Variants in NCOR2 observed in about 807,000 individuals in gnomAD.
NCOR2 encodes the protein nuclear receptor corepressor 2.
In NCOR2, 81 loss-of-function variants were observed where a neutral mutation model predicts 262.9. The ratio of observed to expected loss-of-function variants is 0.31; its 90% CI spans 0.26 to 0.37. NCOR2 has a LOEUF of 0.37. Ranked by LOEUF, NCOR2 falls within the 10% of genes least tolerant of loss-of-function variation. The pLI is 1.00. For synonymous variants in NCOR2, 1,659 were observed against 1,559.3 expected (o/e 1.06, Z -1.51); for missense variants, 3,385 against 3,621.4 (o/e 0.93, Z 1.68).
At chr12:124,455,070 A>C (rs1461803963) in intron 6 of NCOR2, among the ~76,000 whole-genome samples, 1 of 152,208 alleles carries the variant, frequency 6.6e-6, no homozygotes, top group Non-Finnish European at 1.5e-5. Context: ...ATATTGCAAG[A>C]TTCCATTTAT....
chr12:124,372,477 G>A (rs1379226444), exon 20 of NCOR2: 1 of 1,571,160 alleles, frequency 6.4e-7, no homozygotes, highest in Admixed American at 1.8e-5. Flanking sequence ...CCGGTGGTGG[G>A]GTGGGTGGCC....
At chr12:124,334,710 A>C in intron 40 of NCOR2, 93 bp from the exon 43 acceptor site, 1 of 667,918 alleles carries the variant, frequency 1.5e-6, no homozygotes, top group Non-Finnish European at 2.4e-6. Context: ...TCGGGGCAGA[A>C]TCCTGGGTGG....
In NCOR2 at chr12:124,345,850, C is replaced by T. The variant is rs3825112; in HGVS notation, c.4359+714G>A. ...CTTCCGCCTCACAGCCCCACAGCCC[C>T]GTGGTGGCTCCCATTCTCCTTCCCC... On this transcript the variant is annotated intron_variant, in intron 31 of 46. Coordinates refer to ENST00000405201, the Ensembl canonical transcript of NCOR2. 1.1e-4 allele frequency among the ~76,000 whole-genome samples: 16 copies of T among 152,308 alleles called. No individual in the cohort carries two copies. In the East Asian group the frequency reaches 2.3e-3, roughly 22 times the overall value.
intron 28 of NCOR2, among the ~76,000 whole-genome samples, chr12:124,350,020 C>T (rs1280433999): frequency 2.0e-5 from 3 of 152,198 alleles, no homozygotes; most frequent in Non-Finnish European, 4.4e-5. Context: ...TTCCGGGCCT[C>T]GCAGCTGCAG....
intron 14 of NCOR2, 118 bp from the exon 17 acceptor site, chr12:124,400,791 G>A (rs948407355): frequency 1.4e-5 from 18 of 1,308,578 alleles, no homozygotes; most frequent in East Asian, 7.1e-5. Flanking sequence ...GGCACTAATC[G>A]GACGCTAGGA....
At chr12:124,405,885 G>A (rs1221603545) in intron 13 of NCOR2, among the ~76,000 whole-genome samples, 1 of 152,174 alleles carries the variant, frequency 6.6e-6, no homozygotes, top group Non-Finnish European at 1.5e-5. Flanking sequence ...AACTGCACCT[G>A]CTGGGCTTCC....
intron 13 of NCOR2, among the ~76,000 whole-genome samples, chr12:124,413,252 C>T (rs996436471): frequency 6.6e-5 from 10 of 152,212 alleles, no homozygotes; most frequent in African/African-American, 1.9e-4. Context: ...CCCGACACCT[C>T]GGAAGTCCTA....
chr12:124,326,347 A>C (rs2135713500), exon 46 of NCOR2: 1 of 1,514,736 alleles, frequency 6.6e-7, no homozygotes, highest in South Asian at 1.3e-5. Context: ...GGTCTGCCAG[A>C]GACCTTGGCC....
In NCOR2 at chr12:124,523,795, C is replaced by T. The variant is rs1421135611; in HGVS notation, c.-118+11770G>A. Among the ~76,000 whole-genome samples, 4 of 152,188 alleles carry T rather than the reference C, an allele frequency of 2.6e-5. No homozygotes were observed. Among genetic ancestry groups the T allele is most frequent in the Non-Finnish European group, 5.9e-5 (4 of 68,040 alleles). ...GTCATACCCATTCCATTAATACATA[C>T]TGGGAAACTGAGGCAGAGAGCAGTG... is the stretch of plus-strand genomic sequence containing the variant. On this transcript the variant is annotated intron_variant, in intron 1 of 46. Transcript: ENST00000404621. This position sits in a 1 kb window ranked among gnomAD's most constrained non-coding sequence, Gnocchi z 4.0.
At chr12:124,473,593 TA>T (rs1466081287) in intron 3 of NCOR2, among the ~76,000 whole-genome samples, 4 of 152,156 alleles carry the variant, frequency 2.6e-5, no homozygotes, top group South Asian at 2.1e-4. Context: ...AATATATATA[TA>T]TATTTTTTCT....
chr12:124,426,711 G>A lies in NCOR2; in HGVS notation c.1239C>T (p.Asn413=), dbSNP rs201696828. 327 of 1,611,318 alleles carry A rather than the reference G, an allele frequency of 2.0e-4. 2 individuals are homozygous for A. In the African/African-American group the frequency reaches 3.5e-3, roughly 17 times the overall value. ...CCTTCATGGGGTCGGCCATAAGCCCGTTCATGTTGATGAACTTGATGCGCT... is the reference window on the plus strand; with the variant it reads ...CCTTCATGGGGTCGGCCATAAGCCCATTCATGTTGATGAACTTGATGCGCT... The change falls in exon 11 of 47, where the codon AAC becomes AAT. Residue 413 remains asparagine (N), a synonymous_variant. Coordinates refer to ENST00000405201, the Ensembl canonical transcript of NCOR2.
chr12:124,415,060 C>A (rs565933800), intron 13 of NCOR2, among the ~76,000 whole-genome samples: 1 of 152,334 alleles, frequency 6.6e-6, no homozygotes, highest in Non-Finnish European at 1.5e-5. Flanking sequence ...AGCCCACAGT[C>A]ACCAAGAGTC....
At chr12:124,332,494 G>A in intron 42 of NCOR2, 27 bp from the exon 45 acceptor site, 6 of 1,613,750 alleles carry the variant, frequency 3.7e-6, no homozygotes, top group Non-Finnish European at 5.1e-6. Context: ...CCTCACATCA[G>A]CTCACTTGGT....
Position 124,504,776 on chromosome 12 carries a change from C to G in NCOR2, c.-117-9408G>C, listed in dbSNP as rs2048954842. 6.6e-6 allele frequency among the ~76,000 whole-genome samples: 1 copy of G among 152,222 alleles called. No individual in the cohort carries two copies. The highest frequency in any genetic ancestry group is 2.4e-5 in the African/African-American group (1 of 41,460). ...CATGGCACAAAAGGCAAAGAAGCCG[C>G]TCAGAAAGGCCACGCACTGCATGAT... is the stretch of plus-strand genomic sequence containing the variant. On this transcript the variant is annotated intron_variant, in intron 1 of 46. Coordinates refer to the NCOR2 transcript ENST00000404621. The surrounding 1 kb of genome is among the most constrained non-coding windows in gnomAD (Gnocchi z 4.5).
intron 6 of NCOR2, among the ~76,000 whole-genome samples, chr12:124,450,589 G>A (rs760403422): frequency 2.6e-5 from 4 of 152,174 alleles, no homozygotes; most frequent in South Asian, 2.1e-4. Flanking sequence ...ACCAGGACTC[G>A]GTTACACCAC....
chr12:124,497,703 G>A (rs1434109408), upstream of NCOR2, among the ~76,000 whole-genome samples: 1 of 152,208 alleles, frequency 6.6e-6, no homozygotes, highest in Non-Finnish European at 1.5e-5. This position sits in a 1 kb window ranked among gnomAD's most constrained non-coding sequence, Gnocchi z 4.2. Context: ...GGAAAGGCCG[G>A]GTGGCGGACA....
intron 10 of NCOR2, among the ~76,000 whole-genome samples, chr12:124,428,088 T>TGTGTGTGC (rs1555221785): frequency 4.2e-4 from 62 of 147,534 alleles, no homozygotes; most frequent in African/African-American, 1.3e-3. Flanking sequence ...TGTGTGTGTG[T>TGTGTGTGC]ACATGCAACA....
intron 18 of NCOR2, 76 bp from the exon 21 acceptor site, chr12:124,374,539 C>A: frequency 7.1e-7 from 1 of 1,404,734 alleles, no homozygotes; most frequent in South Asian, 1.2e-5. Context: ...GCAACGTGGC[C>A]AAGAGGGGCC....
chr12:124,341,147 C>T (rs761105946), intron 34 of NCOR2, among the ~76,000 whole-genome samples: 6 of 152,218 alleles, frequency 3.9e-5, no homozygotes, highest in Admixed American at 2.0e-4. Flanking sequence ...ATTCCAGAAG[C>T]ATTTCTGAGG....
Sources: allele counts gnomAD v4.1 joint callset (sites outside exome capture counted in the v4.1 genomes callset), GRCh38; gene constraint gnomAD v4.1.1; non-coding constraint Gnocchi (gnomAD v3.1); transcripts MANE v1.5; gene names NCBI Gene and HGNC (gene_info 2026-07-23, HGNC 2026-07-21).